NR1H4: variants seen among roughly 807,000 people sequenced by gnomAD.
NR1H4 encodes nuclear receptor subfamily 1 group H member 4.
In NR1H4, 23 loss-of-function variants were observed where a neutral mutation model predicts 58.5. That is an observed-to-expected ratio of 0.39 (90% CI 0.28 to 0.56). The LOEUF (loss-of-function observed/expected upper bound fraction) is 0.56, where lower values mean the gene tolerates loss of function less well. Ranked by LOEUF, NR1H4 falls within the 20% of genes least tolerant of loss-of-function variation. The probability of loss-of-function intolerance (pLI) is 0.58; values close to 1 mark genes in which losing one functional copy is unlikely to be tolerated. For missense variants in NR1H4, 487 were observed against 576.9 expected (o/e 0.84, Z 1.60); for synonymous variants, 214 against 198.0 (o/e 1.08, Z -0.68).
At chr12:100,502,247 A>G (rs1022538411) in intron 3 of NR1H4, among the ~76,000 whole-genome samples, 3 of 152,348 alleles carry the variant, frequency 2.0e-5, no homozygotes, top group South Asian at 2.1e-4. Flanking sequence ...AAGTGCCAAG[A>G]CAGCCTGGAT....
intron 1 of NR1H4, among the ~76,000 whole-genome samples, chr12:100,479,636 A>T (rs1249118168): frequency 6.6e-6 from 1 of 152,190 alleles, no homozygotes; most frequent in African/African-American, 2.4e-5. Flanking sequence ...GATTTCCCTC[A>T]TTCTCCTCAC....
Position 100,563,412 on chromosome 12 carries a change from G to A in NR1H4, c.1354G>A (p.Ala452Thr), listed in dbSNP as rs763042509. The change falls in exon 11 of 11, where the codon GCT (alanine) becomes ACT (threonine). Residue 452 changes from alanine (A) to threonine (T), a missense_variant. Ala to Thr is a moderately conservative substitution (Grantham distance 58). Coordinates refer to ENST00000392986, the MANE Select transcript of NR1H4 (RefSeq NM_001206979.2). ...ATTACGGACATTCAATCATCACCAC[G>A]CTGAGATGCTGATGTCATGGAGAGT... ...TELRTFNHHH[A>T]EMLMSWRVND... The A allele has an allele frequency of 1.4e-5, 23 of 1,613,924 alleles. No homozygotes were observed. Among genetic ancestry groups the A allele is most frequent in the South Asian group, 2.2e-5 (2 of 91,062 alleles).
intron 1 of NR1H4, among the ~76,000 whole-genome samples, chr12:100,487,631 TG>T: frequency 6.9e-6 from 1 of 144,856 alleles, no homozygotes; most frequent in East Asian, 2.0e-4. Flanking sequence ...AGTCTCACTC[TG>T]TTGCCCAGGC....
chr12:100,559,578 G>A (rs533716028), intron 9 of NR1H4, among the ~76,000 whole-genome samples: 19 of 152,310 alleles, frequency 1.2e-4, no homozygotes, highest in African/African-American at 4.6e-4. Context: ...GCCCACCGGC[G>A]CTGCGCTGGA....
intron 4 of NR1H4, among the ~76,000 whole-genome samples, chr12:100,523,454 A>G (rs1245014818): frequency 6.6e-6 from 1 of 152,116 alleles, no homozygotes; most frequent in African/African-American, 2.4e-5. Context: ...TCTGGATACT[A>G]GTACTTTGTC....
chr12:100,522,339 C>G (rs1954445842), intron 4 of NR1H4, among the ~76,000 whole-genome samples: 1 of 152,132 alleles, frequency 6.6e-6, no homozygotes, highest in African/African-American at 2.4e-5. Context: ...ATCTTCAGGA[C>G]AGTCTTTTGA....
intron 3 of NR1H4, among the ~76,000 whole-genome samples, chr12:100,506,209 CT>C (rs1388075490): frequency 1.3e-5 from 2 of 152,112 alleles, no homozygotes; most frequent in Admixed American, 1.3e-4. Flanking sequence ...GGAAACATGT[CT>C]TTTAATGACA....
intron 9 of NR1H4, among the ~76,000 whole-genome samples, chr12:100,550,496 C>G (rs1254450637): frequency 6.6e-6 from 1 of 152,038 alleles, no homozygotes; most frequent in Non-Finnish European, 1.5e-5. Context: ...TCCTGAGAAG[C>G]TGGGGTTACA....
At chr12:100,477,001 T>C (rs989166700) in intron 1 of NR1H4, among the ~76,000 whole-genome samples, 10 of 152,170 alleles carry the variant, frequency 6.6e-5, no homozygotes, top group African/African-American at 2.4e-4. Flanking sequence ...CATACGAGTG[T>C]CCTTAGTCAC....
chr12:100,495,038 G>A (rs977096373), intron 3 of NR1H4, among the ~76,000 whole-genome samples: 10 of 152,144 alleles, frequency 6.6e-5, no homozygotes, highest in African/African-American at 2.2e-4. Context: ...CAGCCATAAG[G>A]TGAAAAAGAT....
intron 9 of NR1H4, among the ~76,000 whole-genome samples, chr12:100,544,473 TG>T (rs1168111397): frequency 6.6e-6 from 1 of 152,112 alleles, no homozygotes; most frequent in African/African-American, 2.4e-5. Flanking sequence ...ATTAGCTACA[TG>T]TCCCATTTTT....
At chr12:100,527,447 C>T (rs1281051368) in intron 4 of NR1H4, among the ~76,000 whole-genome samples, 5 of 151,980 alleles carry the variant, frequency 3.3e-5, no homozygotes, top group Non-Finnish European at 7.4e-5. Context: ...GTGAGAGGAT[C>T]GCTTGAGCCC....
chr12:100,502,860 A>G (rs182015254), intron 3 of NR1H4, among the ~76,000 whole-genome samples: 7 of 152,276 alleles, frequency 4.6e-5, no homozygotes, highest in African/African-American at 7.2e-5. Flanking sequence ...TTATAAAACC[A>G]TCAGATCTTG....
Position 100,501,916 on chromosome 12 carries a change from C to T in NR1H4, c.79+8514C>T, listed in dbSNP as rs1230591140. Among the ~76,000 whole-genome samples the T allele has an allele frequency of 3.9e-5, 6 of 152,174 alleles. No individual in the cohort carries two copies. The South Asian group carries it at 6.2e-4, about 16-fold the overall frequency. On this transcript the variant is annotated intron_variant, in intron 3 of 10. Transcript: ENST00000392986. ...GGCTCCACCCTGGATCAACTGAGTC[C>T]CCTTCTAAAGCCCTCATTTCTAAAA...
chr12:100,560,311 C>T (rs1333547725), intron 9 of NR1H4, among the ~76,000 whole-genome samples: 1 of 152,212 alleles, frequency 6.6e-6, no homozygotes, highest in Non-Finnish European at 1.5e-5. Flanking sequence ...GGGTCCCCTT[C>T]CACACTGTGG....
chr12:100,537,075 T>C (rs763679691), intron 8 of NR1H4, 28 bp downstream of exon 8: 1 of 1,368,314 alleles, frequency 7.3e-7, no homozygotes, highest in South Asian at 1.2e-5. Flanking sequence ...AAAGTTAATA[T>C]TTATTGAGAG....
chr12:100,546,766 A>G (rs879576100), intron 9 of NR1H4, among the ~76,000 whole-genome samples: 2 of 152,152 alleles, frequency 1.3e-5, no homozygotes, highest in Non-Finnish European at 2.9e-5. Flanking sequence ...CTAACCCTCC[A>G]GCCATTGACT....
At chr12:100,511,172 CTT>C in intron 4 of NR1H4, 29 bp downstream of exon 4, 2 of 1,614,010 alleles carry the variant, frequency 1.2e-6, no homozygotes, top group Non-Finnish European at 1.7e-6. Context: ...CAGTTTTCTC[CTT>C]CAGGTTTTAC....
At chr12:100,503,370 G>A (rs760766214) in intron 3 of NR1H4, 1 of 1,593,192 alleles carries the variant, frequency 6.3e-7, no homozygotes, top group Non-Finnish European at 8.5e-7. Context: ...ATTTTCAGTG[G>A]CTGTGAATAA....
Sources: gnomAD v4.1 joint callset for allele counts (sites outside exome capture counted in the v4.1 genomes callset) on GRCh38, gnomAD v4.1.1 for gene constraint, MANE v1.5 for transcripts, NCBI Gene and HGNC (gene_info 2026-07-23, HGNC 2026-07-21) for gene names.